Variants in LRRC49 observed in about 807,000 individuals in gnomAD.
LRRC49 encodes the protein leucine-rich repeat-containing protein 49.
Under a neutral mutation model 83.3 loss-of-function variants are expected in LRRC49, and 50 were observed. The observed-to-expected ratio is 0.60, with a 90% confidence interval of 0.48 to 0.76. The LOEUF (loss-of-function observed/expected upper bound fraction) is 0.76. Among genes scored for constraint, LRRC49 ranks in the 30% least tolerant of loss-of-function variants. The pLI, the probability that LRRC49 is intolerant of heterozygous loss-of-function variation, is 0.00. For synonymous variants in LRRC49, 286 were observed against 283.3 expected, an observed-to-expected ratio of 1.01 and a Z score of -0.10; for missense variants, 704 against 809.1, an observed-to-expected ratio of 0.87 and a Z score of 1.58.
At chr15:70,948,428 T>G (rs2036089030) in intron 8 of LRRC49, among the ~76,000 whole-genome samples, 1 of 152,032 alleles carries the variant, frequency 6.6e-6, no homozygotes, top group Admixed American at 6.6e-5. Flanking sequence ...TCTGTTAAAA[T>G]GTACTTGTAT....
intron 9 of LRRC49, among the ~76,000 whole-genome samples, chr15:70,977,368 G>A (rs1381662875): frequency 6.6e-6 from 1 of 152,122 alleles, no homozygotes; most frequent in Non-Finnish European, 1.5e-5. Flanking sequence ...TTCCAGCTGG[G>A]CATTGGTGGC....
Position 70,968,143 on chromosome 15 carries a change from C to G in LRRC49, c.921+4211C>G, listed in dbSNP as rs1295462425. 1.3e-5 allele frequency among the ~76,000 whole-genome samples: 2 copies of G among 152,034 alleles called. 1 individual carries two copies. Among genetic ancestry groups the G allele is most frequent in the Non-Finnish European group, 2.9e-5 (2 of 67,994 alleles). ...CCTAATGCTATCCCTCTCCTTGCCTCCACACCCCAACAGGCCCTGGTATGT... is the reference window on the plus strand; with the variant it reads ...CCTAATGCTATCCCTCTCCTTGCCTGCACACCCCAACAGGCCCTGGTATGT... On this transcript the variant is annotated intron_variant, in intron 9 of 15. Coordinates refer to ENST00000260382, the MANE Select transcript of LRRC49 (RefSeq NM_017691.5).
chr15:71,027,603 T>C (rs1439318139), intron 14 of LRRC49, among the ~76,000 whole-genome samples: 1 of 152,214 alleles, frequency 6.6e-6, no homozygotes, highest in Non-Finnish European at 1.5e-5. Flanking sequence ...TTTGTTTGTG[T>C]CCTCTCTTAT....
upstream of LRRC49, chr15:70,892,629 C>T: frequency 6.9e-7 from 1 of 1,449,246 alleles, no homozygotes; most frequent in Non-Finnish European, 9.0e-7. Flanking sequence ...AGCTTATCCT[C>T]CTCCCAATAC....
intron 1 of LRRC49, chr15:70,872,795 A>G (rs1434794577): frequency 5.0e-6 from 1 of 199,210 alleles, no homozygotes; most frequent in African/African-American, 2.3e-5. Flanking sequence ...TGGAGACCCT[A>G]GAGAGAAAGA....
chr15:71,041,426 A>G (rs898500872), intron 15 of LRRC49, among the ~76,000 whole-genome samples: 2 of 152,212 alleles, frequency 1.3e-5, no homozygotes, highest in African/African-American at 4.8e-5. Context: ...ATAAAAAGCT[A>G]TAAGAAAATT....
chr15:70,907,734 A>T, intron 5 of LRRC49: 1 of 301,176 alleles, frequency 3.3e-6, no homozygotes, highest in Non-Finnish European at 6.7e-6. Context: ...TGGCCTGCGG[A>T]GACAGGCTGT....
At chr15:70,971,907 G>A (rs1287466076) in intron 9 of LRRC49, among the ~76,000 whole-genome samples, 1 of 148,604 alleles carries the variant, frequency 6.7e-6, no homozygotes, top group African/African-American at 2.5e-5. Flanking sequence ...GCTGAATACA[G>A]CACACCAATG....
chr15:71,016,665 T>C (rs2038837355), intron 14 of LRRC49, among the ~76,000 whole-genome samples: 1 of 151,946 alleles, frequency 6.6e-6, no homozygotes, highest in Non-Finnish European at 1.5e-5. Flanking sequence ...GATACTAGAT[T>C]AACATATCAA....
intron 14 of LRRC49, among the ~76,000 whole-genome samples, chr15:71,034,633 G>C (rs2039462936): frequency 6.6e-6 from 1 of 152,152 alleles, no homozygotes; most frequent in Non-Finnish European, 1.5e-5. Context: ...CAACCCAAAT[G>C]CCCATCAGTG....
chr15:70,877,151 C>G (rs2033168732), intron 2 of LRRC49, among the ~76,000 whole-genome samples: 1 of 152,128 alleles, frequency 6.6e-6, no homozygotes. Flanking sequence ...TGAAGCCTAC[C>G]TTAAGAAACT....
intron 9 of LRRC49, among the ~76,000 whole-genome samples, chr15:70,974,031 G>C (rs2037112219): frequency 6.6e-6 from 1 of 152,114 alleles, no homozygotes; most frequent in South Asian, 2.1e-4. Context: ...GGAGGCTGAG[G>C]CTGGAGAATC....
intron 8 of LRRC49, among the ~76,000 whole-genome samples, chr15:70,949,367 C>T (rs1235182160): frequency 2.6e-5 from 4 of 152,130 alleles, no homozygotes; most frequent in Admixed American, 2.0e-4. Context: ...AACATCATAC[C>T]GCAACTTATT....
intron 11 of LRRC49, among the ~76,000 whole-genome samples, chr15:70,988,746 A>G (rs895098350): frequency 2.6e-5 from 4 of 151,916 alleles, no homozygotes; most frequent in Non-Finnish European, 5.9e-5. Context: ...GGCCTTTACA[A>G]TTTGGCATGA....
chr15:71,032,351 T>C (rs1007070309), intron 14 of LRRC49, among the ~76,000 whole-genome samples: 2 of 151,834 alleles, frequency 1.3e-5, no homozygotes, highest in Non-Finnish European at 2.9e-5. Context: ...GGTACCTCAG[T>C]TGGAAATGCA....
intron 3 of LRRC49, chr15:70,898,562 C>T (rs2033933651): frequency 3.6e-6 from 2 of 556,676 alleles, no homozygotes; most frequent in Non-Finnish European, 6.3e-6. Flanking sequence ...ATTGCTTGAG[C>T]CCAGGAGTTC....
chr15:71,026,373 A>G (rs1195601001), intron 14 of LRRC49, among the ~76,000 whole-genome samples: 1 of 152,202 alleles, frequency 6.6e-6, no homozygotes, highest in Admixed American at 6.5e-5. Flanking sequence ...GCTGCAATAA[A>G]CATACATGTG....
rs561888988 is a variant in LRRC49, at chr15:70,893,692, A to G, written c.105+52A>G. 6 of 1,347,740 alleles carry G rather than the reference A, an allele frequency of 4.5e-6. No homozygotes were observed. In the East Asian group the frequency reaches 1.1e-4, roughly 26 times the overall value. The allele number at this position is 1,347,740 out of a possible 1,614,324, so 83.5% of individuals were successfully genotyped here. ...AATTGAAGATTGTTTTAAATTCTAC[A>G]CAAATAGCAGCATGACTTAAAGTGT... On this transcript the variant is annotated intron_variant, in intron 2 of 15. Coordinates refer to ENST00000260382, the MANE Select transcript of LRRC49 (RefSeq NM_017691.5).
intron 11 of LRRC49, among the ~76,000 whole-genome samples, chr15:71,001,731 C>G (rs894156967): frequency 8.6e-5 from 13 of 151,924 alleles, no homozygotes; most frequent in Admixed American, 8.5e-4. Context: ...ACGCTCTGTC[C>G]CCCAGGCTGG....
Sources: gnomAD v4.1 joint callset for allele counts (sites outside exome capture counted in the v4.1 genomes callset) on GRCh38, gnomAD v4.1.1 for gene constraint, MANE v1.5 for transcripts, NCBI Gene and HGNC (gene_info 2026-07-23, HGNC 2026-07-21) for gene names.